The following LMTK2 variants were observed in gnomAD, a reference collection of about 807,000 sequenced individuals.
LMTK2 encodes serine/threonine-protein kinase LMTK2.
LMTK2 carries 37 observed loss-of-function variants against 127.5 expected under a neutral mutation model. That is an observed-to-expected ratio of 0.29 (90% CI 0.22 to 0.38). The LOEUF is 0.38. LMTK2 is among the 10% of genes least tolerant of loss of function. LMTK2 has a pLI of 1.00. For synonymous variants in LMTK2, 819 were observed against 810.1 expected (o/e 1.01, Z -0.19); for missense variants, 1,694 against 1,920.3 (o/e 0.88, Z 2.20).
intron 9 of LMTK2, among the ~76,000 whole-genome samples, chr7:98,187,308 G>A (rs1562918694): frequency 6.6e-6 from 1 of 152,186 alleles, no homozygotes; most frequent in African/African-American, 2.4e-5. Flanking sequence ...TTATTGAAGT[G>A]AAAGAAGAAA....
chr7:98,108,081 C>T (rs1796144278), intron 1 of LMTK2, among the ~76,000 whole-genome samples: 1 of 152,188 alleles, frequency 6.6e-6, no homozygotes. Context: ...TTGACTGCCG[C>T]CATTACCTTT....
chr7:98,130,911 G>C (rs191008991), intron 1 of LMTK2, among the ~76,000 whole-genome samples: 5 of 152,288 alleles, frequency 3.3e-5, no homozygotes, highest in Admixed American at 6.5e-5. Context: ...ATCAAGAGTA[G>C]GCAAGAATAT....
intron 4 of LMTK2, among the ~76,000 whole-genome samples, chr7:98,152,006 T>G (rs1009566484): frequency 2.6e-5 from 4 of 152,210 alleles, no homozygotes; most frequent in Non-Finnish European, 4.4e-5. Context: ...CTGAGACTTT[T>G]CTAATTGTTG....
rs554807082 is a variant in LMTK2, at chr7:98,127,850, T to TA, written c.104-9459dup. Among the ~76,000 whole-genome samples, 31 of 152,174 alleles carry TA rather than the reference T, an allele frequency of 2.0e-4. No individual in the cohort carries two copies. In the South Asian group the frequency reaches 5.6e-3, roughly 27 times the overall value. On this transcript the variant is annotated intron_variant, in intron 1 of 13. Transcript: ENST00000297293. The stretch of plus-strand genomic sequence containing the variant: ...ATACACCTATTTGTACACTTAAAAA[T>TA]AAAAAATTAAGGCTGGGCATGGTGG...
At chr7:98,140,646 T>C (rs1352114968) in intron 2 of LMTK2, among the ~76,000 whole-genome samples, 2 of 152,168 alleles carry the variant, frequency 1.3e-5, no homozygotes, top group Non-Finnish European at 2.9e-5. Flanking sequence ...CTTTTCTGAG[T>C]CTTTCAACAT....
chr7:98,171,390 T>G lies in LMTK2; in HGVS notation c.658-151T>G. 1 of 869,164 alleles carries G rather than the reference T, an allele frequency of 1.2e-6. No individual in the cohort carries two copies. Among genetic ancestry groups the G allele is most frequent in the Admixed American group, 2.2e-5 (1 of 46,234 alleles). The allele number at this position is 869,164 out of a possible 1,614,324, so 53.8% of individuals were successfully genotyped here. A position where few individuals can be genotyped will look rare whatever the true frequency, so the allele number is the denominator to read the frequency against. On this transcript the variant is annotated intron_variant, in intron 6 of 13. Transcript: ENST00000297293. The surrounding 1 kb of genome is among the most constrained non-coding windows in gnomAD (Gnocchi z 5.1). ...TAAAAGCATAATAGTGTTCTATACT[T>G]TCGCAGTATTGGGTTGGAACTTCTT... is the stretch of plus-strand genomic sequence containing the variant.
intron 1 of LMTK2, among the ~76,000 whole-genome samples, chr7:98,121,630 TC>T: frequency 6.9e-6 from 1 of 145,768 alleles, no homozygotes. Context: ...AGACTCCATC[TC>T]AAAAAAAAAA....
At chr7:98,108,127 G>A (rs1326290548) in intron 1 of LMTK2, among the ~76,000 whole-genome samples, 1 of 152,180 alleles carries the variant, frequency 6.6e-6, no homozygotes, top group Non-Finnish European at 1.5e-5. Flanking sequence ...TACATTCATA[G>A]AATGTTAGAG....
At position 98,190,837 on chromosome 7, in the gene LMTK2, C is replaced by T; in HGVS notation, c.1108C>T (p.Leu370Phe). ...AGTCATTAGAGAGAGAGACACAAAACTCCCGAAGCCCCAGCTGGAGCAGCC... is the reference window on the plus strand; with the variant it reads ...AGTCATTAGAGAGAGAGACACAAAATTCCCGAAGCCCCAGCTGGAGCAGCC... ...NQVIRERDTK[L>F]PKPQLEQPYS... is the part of the protein sequence containing the mutation. Residue 370 changes from leucine to phenylalanine, a missense_variant, in exon 10 of 14, where the codon CTC becomes TTC. Around this residue, in one of 8 missense-constraint regions of LMTK2, gnomAD observed 216 missense variants for 266.8 expected, o/e 0.81. Transcript: ENST00000297293. 6.2e-7 allele frequency: 1 copy of T among 1,614,150 alleles called. No individual in the cohort carries two copies.
chr7:98,125,317 A>AG (rs1796429841), intron 1 of LMTK2, among the ~76,000 whole-genome samples: 2 of 149,832 alleles, frequency 1.3e-5, no homozygotes, highest in Admixed American at 6.7e-5. Context: ...AAAAAAAAAA[A>AG]TCTCCCCAGT....
intron 1 of LMTK2, among the ~76,000 whole-genome samples, chr7:98,109,528 G>C (rs768117043): frequency 9.9e-5 from 15 of 152,062 alleles, no homozygotes; most frequent in Non-Finnish European, 2.2e-4. Context: ...TGGATTGCTT[G>C]AGGTCAGGAG....
Position 98,204,089 on chromosome 7 carries a change from G to T in LMTK2, c.4386G>T (p.Trp1462Cys). 1 of 1,613,556 alleles carries T rather than the reference G, an allele frequency of 6.2e-7. No individual in the cohort carries two copies. The change falls in exon 13 of 14, where the codon TGG (tryptophan) becomes TGT (cysteine). Residue 1462 changes from tryptophan (W) to cysteine (C), a missense_variant. This residue lies in a region of LMTK2 where 554 missense variants were observed against 567.7 expected (regional missense o/e 0.98). Transcript: ENST00000297293. ...CGGCCCGGAGCACGGAGCAGAGCTG[G>T]CCGCACTCGGCGCCTTACTCCCGGT... ...PPPARSTEQS[W>C]PHSAPYSRFS...
Position 98,193,143 on chromosome 7 carries a change from C to T in LMTK2, c.2678C>T (p.Thr893Ile), listed in dbSNP as rs541039859. The T allele has an allele frequency of 4.3e-6, 7 of 1,613,422 alleles. No homozygotes were observed. In the Admixed American group the frequency reaches 1.0e-4, roughly 23 times the overall value. ...SQDSPGESEE[T>I]LRLTESDSVL... Reference sequence around the variant, plus strand: ...GACTCTCCTGGCGAGAGTGAGGAGACCCTGCGACTCACCGAAAGTGACTCT... The same window carrying T: ...GACTCTCCTGGCGAGAGTGAGGAGATCCTGCGACTCACCGAAAGTGACTCT... The change falls in exon 11 of 14, where the codon ACC (threonine) becomes ATC (isoleucine). Residue 893 changes from threonine to isoleucine, a missense_variant. Thr to Ile is a moderately conservative substitution (Grantham distance 89). Coordinates refer to ENST00000297293, the MANE Select transcript of LMTK2 (RefSeq NM_014916.4). This position sits in a 1 kb window ranked among gnomAD's most constrained non-coding sequence, Gnocchi z 4.1.
chr7:98,108,458 G>T (rs918362058), intron 1 of LMTK2, among the ~76,000 whole-genome samples: 5 of 152,184 alleles, frequency 3.3e-5, no homozygotes, highest in Admixed American at 1.3e-4. Flanking sequence ...CTACATCAGG[G>T]TTTGTCATTG....
chr7:98,187,138 T>A, intron 9 of LMTK2, 140 bp downstream of exon 9: 2 of 764,996 alleles, frequency 2.6e-6, no homozygotes, highest in Non-Finnish European at 4.1e-6. Flanking sequence ...AAAGACAGTT[T>A]AAAAGACACA....
intron 1 of LMTK2, among the ~76,000 whole-genome samples, chr7:98,127,319 G>C (rs547195484): frequency 6.6e-6 from 1 of 152,308 alleles, no homozygotes; most frequent in Admixed American, 6.5e-5. Flanking sequence ...GTCCTAACGT[G>C]CTAGGAGAAA....
At chr7:98,137,182 C>A in intron 1 of LMTK2, 133 bp from the exon 2 acceptor site, 1 of 761,068 alleles carries the variant, frequency 1.3e-6, no homozygotes, top group Non-Finnish European at 2.0e-6. Flanking sequence ...CTGGATGGAT[C>A]ATCAGCTTTT....
At chr7:98,196,967 G>A (rs570024583) in intron 11 of LMTK2, among the ~76,000 whole-genome samples, 15 of 152,338 alleles carry the variant, frequency 9.8e-5, no homozygotes, top group Admixed American at 7.8e-4. Context: ...CGTTCAGGCC[G>A]AGGACTGAGG....
chr7:98,200,634 T>G (rs978191174), intron 11 of LMTK2, among the ~76,000 whole-genome samples: 2 of 152,190 alleles, frequency 1.3e-5, no homozygotes, highest in Non-Finnish European at 2.9e-5. Flanking sequence ...TTCCAAGAAG[T>G]GGTGGTTCCA....
Sources: allele counts gnomAD v4.1 joint callset (sites outside exome capture counted in the v4.1 genomes callset), GRCh38; gene constraint gnomAD v4.1.1; regional missense constraint gnomAD v4.1.1; non-coding constraint Gnocchi (gnomAD v3.1); transcripts MANE v1.5; gene names NCBI Gene and HGNC (gene_info 2026-07-23, HGNC 2026-07-21).